Variants in GTF2F1 observed in about 807,000 individuals in gnomAD.
GTF2F1 encodes the protein general transcription factor IIF 74 kDa subunit.
A neutral mutation model predicts 63.5 loss-of-function variants in GTF2F1; 39 were observed. The observed-to-expected ratio is 0.61, with a 90% CI of 0.48 to 0.80. The LOEUF is 0.80. Ranked by LOEUF, GTF2F1 falls within the 30% of genes least tolerant of loss-of-function variation. GTF2F1 has a pLI of 0.00. For missense variants in GTF2F1, 657 were observed against 718.3 expected, an observed-to-expected ratio of 0.91 and a Z score of 0.97; for synonymous variants, 287 against 285.3, an observed-to-expected ratio of 1.01 and a Z score of -0.06.
chr19:6,389,501 T>G lies in GTF2F1; in HGVS notation c.269A>C (p.Glu90Ala), dbSNP rs201786699. Residue 90 changes from glutamate to alanine, a missense_variant, in exon 4 of 13, where the codon GAG (glutamate) becomes GCG (alanine). Transcript: ENST00000394456. Reference sequence around the variant, plus strand: ...CCAGGGCTGGTCCTCGGGCCGGAACTCCTTGAGGACGATGCCGTACTTCTT... The same window carrying G: ...CCAGGGCTGGTCCTCGGGCCGGAACGCCTTGAGGACGATGCCGTACTTCTT... ...RRKKYGIVLK[E>A]FRPEDQPWLL... 266 of 1,614,090 alleles carry G rather than the reference T, an allele frequency of 1.6e-4. No homozygotes were observed. The highest frequency in any genetic ancestry group is 2.0e-4 in the Non-Finnish European group (237 of 1,180,024).
intron 3 of GTF2F1, among the ~76,000 whole-genome samples, chr19:6,391,439 G>GTTTTTTTTTTTTTTTTTTTTTTTT (rs11340944): frequency 2.3e-5 from 2 of 87,418 alleles, no homozygotes; most frequent in African/African-American, 6.6e-5. Context: ...TGCCATTTCC[G>GTTTTTTTTTTTTTTTTTTTTTTTT]TTTTTTTTTT....
chr19:6,384,444 G>A (rs889859025), intron 5 of GTF2F1, among the ~76,000 whole-genome samples: 4 of 151,548 alleles, frequency 2.6e-5, no homozygotes, highest in African/African-American at 9.7e-5. Flanking sequence ...GGAGGCAGAG[G>A]TTGCAGTAAG....
Position 6,380,181 on chromosome 19 carries a change from A to AGGGCAGAGCCATGTATT in GTF2F1, c.*83_*99dup. 2.0e-6 allele frequency: 2 copies of AGGGCAGAGCCATGTATT among 1,008,126 alleles called. No homozygotes were observed. The highest frequency in any genetic ancestry group is 3.2e-6 in the Non-Finnish European group (2 of 632,520). 62.4% of individuals were successfully genotyped at this position (1,008,126 alleles called of 1,614,324 possible). ...GGTCACTGAGAGCCTGAAGTTCTGG[A>AGGGCAGAGCCATGTATT]GGGCAGAGCCATGTATTGGACAGAG... is the stretch of plus-strand genomic sequence containing the variant. On this transcript the variant is annotated 3_prime_UTR_variant, in exon 13 of 13. Coordinates refer to ENST00000394456, the MANE Select transcript of GTF2F1 (RefSeq NM_002096.3). This position sits in a 1 kb window ranked among gnomAD's most constrained non-coding sequence, Gnocchi z 5.3.
rs944638809 is a variant in GTF2F1, at chr19:6,380,212, C to T, written c.*69G>A. The T allele has an allele frequency of 3.8e-6, 5 of 1,312,566 alleles. No individual in the cohort carries two copies. The highest frequency in any genetic ancestry group is 5.5e-6 in the Non-Finnish European group (5 of 905,002). The allele number at this position is 1,312,566 out of a possible 1,614,324, so 81.3% of individuals were successfully genotyped here. A position where few individuals can be genotyped will look rare whatever the true frequency, so the allele number is the denominator to read the frequency against. On this transcript the variant is annotated 3_prime_UTR_variant, in exon 13 of 13. Coordinates refer to ENST00000394456, the MANE Select transcript of GTF2F1 (RefSeq NM_002096.3). This position sits in a 1 kb window ranked among gnomAD's most constrained non-coding sequence, Gnocchi z 5.3. ...GAGCCATGTATTGGACAGAGCCTCA[C>T]TCTAGGATGGCGAAGGGGCAGTGAG...
chr19:6,381,518 GC>G lies in GTF2F1; in HGVS notation c.898+35del. 2 of 1,609,910 alleles carry G rather than the reference GC, an allele frequency of 1.2e-6. No individual in the cohort carries two copies. Among genetic ancestry groups the G allele is most frequent in the East Asian group, 2.2e-5 (1 of 44,882 alleles). On this transcript the variant is annotated intron_variant, in intron 8 of 12. Transcript: ENST00000394456. The surrounding 1 kb of genome is among the most constrained non-coding windows in gnomAD (Gnocchi z 4.1). ...GTATGAGCAAGAGCAGGGAAGCACC[GC>G]CCCCATCTCCCCGGCCCGCCCAGCC...
At position 6,380,602 on chromosome 19, in the gene GTF2F1, T is replaced by C. The variant is rs1247595161; in HGVS notation, c.1320A>G (p.Pro440=). The C allele has an allele frequency of 1.9e-6, 3 of 1,614,006 alleles. No homozygotes were observed. Among genetic ancestry groups the C allele is most frequent in the East Asian group, 2.2e-5 (1 of 44,868 alleles). ...QSLSGKSTPQ[P]PSGKTTPNSG... is the part of the protein sequence containing the mutation. ...TGTTGGGTGTTGTCTTGCCTGATGGTGGCTGGGGTGTCGACTTCCCAGACA... is the reference window on the plus strand; with the variant it reads ...TGTTGGGTGTTGTCTTGCCTGATGGCGGCTGGGGTGTCGACTTCCCAGACA... Residue 440 remains proline (P), a synonymous_variant, in exon 12 of 13, where the codon CCA becomes CCG. Coordinates refer to ENST00000394456, the MANE Select transcript of GTF2F1 (RefSeq NM_002096.3). This position sits in a 1 kb window ranked among gnomAD's most constrained non-coding sequence, Gnocchi z 5.3.
In GTF2F1 at chr19:6,391,959, T is replaced by A. The variant is rs1355313993; in HGVS notation, c.75A>T (p.Lys25Asn). The change falls in exon 3 of 13, where the codon AAA (lysine) becomes AAT (asparagine). Residue 25 changes from lysine (K) to asparagine (N), a missense_variant. Lys to Asn is a moderately conservative substitution (Grantham distance 94, BLOSUM62 0). This residue lies in a region of GTF2F1 where 602 missense variants were observed against 625.6 expected (regional missense o/e 0.96). Coordinates refer to ENST00000394456, the MANE Select transcript of GTF2F1 (RefSeq NM_002096.3). ...VVRVPKNTTK[K>N]YNIMAFNAAD... ...CTGCATTAAAAGCCATGATGTTATATTTTTTGGTTGTATTCCTGGAGTGGA... is the reference window on the plus strand; with the variant it reads ...CTGCATTAAAAGCCATGATGTTATAATTTTTGGTTGTATTCCTGGAGTGGA... The A allele has an allele frequency of 1.1e-5, 18 of 1,569,586 alleles. No homozygotes were observed. The highest frequency in any genetic ancestry group is 1.6e-5 in the Non-Finnish European group (18 of 1,152,870).
rs1207096641 is a variant in GTF2F1 at position 6,381,759 on chromosome 19, G to A, written c.774C>T (p.Phe258=). The part of the protein sequence containing the change: ...KKKKGSDDEA[F]EDSDDGDFEG... ...CGAAGTCCCCATCATCGCTGTCCTC[G>A]AAGGCCTCGTCGTCTGAACCCTTCT... Residue 258 remains phenylalanine (F), a synonymous_variant, in exon 7 of 13, where the codon TTC becomes TTT. Transcript: ENST00000394456. This position sits in a 1 kb window ranked among gnomAD's most constrained non-coding sequence, Gnocchi z 4.1. 10 of 1,613,992 alleles carry A rather than the reference G, an allele frequency of 6.2e-6. No homozygotes were observed. The highest frequency in any genetic ancestry group is 4.0e-5 in the African/African-American group (3 of 74,906).
chr19:6,392,463 C>T, intron 2 of GTF2F1: 1 of 512,320 alleles, frequency 2.0e-6, no homozygotes, highest in Admixed American at 2.3e-5. Flanking sequence ...AAGAATTCAC[C>T]CAGCAGAGTC....
chr19:6,390,608 T>C (rs1288714460), intron 3 of GTF2F1, among the ~76,000 whole-genome samples: 1 of 148,728 alleles, frequency 6.7e-6, no homozygotes, highest in Non-Finnish European at 1.5e-5. Context: ...CCTATATCTA[T>C]TTCCTAAAAA....
intron 6 of GTF2F1, among the ~76,000 whole-genome samples, chr19:6,382,749 G>C (rs1320963017): frequency 6.9e-6 from 1 of 145,518 alleles, no homozygotes; most frequent in African/African-American, 2.5e-5. Flanking sequence ...AGTAAGCTGT[G>C]ATTGTACCAC....
intron 6 of GTF2F1, among the ~76,000 whole-genome samples, chr19:6,382,598 T>C (rs1341913916): frequency 7.4e-6 from 1 of 135,642 alleles, no homozygotes; most frequent in African/African-American, 2.9e-5. Context: ...GCCATTGCAC[T>C]CCAGCCTGGG....
intron 2 of GTF2F1, chr19:6,392,533 G>T: frequency 1.8e-6 from 1 of 558,982 alleles, no homozygotes; most frequent in Non-Finnish European, 3.3e-6. Flanking sequence ...CAAAGGCCTG[G>T]AAAGGAAAGA....
rs200767408 is a variant in GTF2F1 at position 6,381,628 on chromosome 19, G to A, written c.837-13C>T. 4 of 1,613,888 alleles carry A rather than the reference G, an allele frequency of 2.5e-6. No homozygotes were observed. The highest frequency in any genetic ancestry group is 3.4e-6 in the Non-Finnish European group (4 of 1,180,044). ...TTCTTGGGAGCTACTGTAAGACGGG[G>A]ATGGCAAAGGATGAGCGCGCGCTCG... On this transcript the variant is annotated splice_polypyrimidine_tract_variant and intron_variant, in intron 7 of 12. Coordinates refer to ENST00000394456, the MANE Select transcript of GTF2F1 (RefSeq NM_002096.3). The surrounding 1 kb of genome is among the most constrained non-coding windows in gnomAD (Gnocchi z 4.1).
chr19:6,389,070 T>G (rs1412799351), intron 4 of GTF2F1, among the ~76,000 whole-genome samples: 1 of 151,992 alleles, frequency 6.6e-6, no homozygotes, highest in Non-Finnish European at 1.5e-5. Context: ...CTGTCTCTAC[T>G]AAAAATACAA....
rs776823567 is a variant in GTF2F1 at position 6,392,901 on chromosome 19, G to A, written c.15C>T (p.Gly5=). Reference sequence around the variant, plus strand: ...ATTCAGTGACATTCTGGCTGCTAGGGCCCTGCGGAAAGAGGAAGCGGTGAG... The same window carrying A: ...ATTCAGTGACATTCTGGCTGCTAGGACCCTGCGGAAAGAGGAAGCGGTGAG... MAAL[G]PSSQNVTEYV... is the part of the protein sequence containing the mutation. Residue 5 remains glycine, a splice_region_variant and synonymous_variant, in exon 2 of 13, where the codon GGC becomes GGT. Transcript: ENST00000394456. 7 of 1,614,156 alleles carry A rather than the reference G, an allele frequency of 4.3e-6. No homozygotes were observed. The South Asian group carries it at 4.4e-5, about 10-fold the overall frequency.
Position 6,380,957 on chromosome 19 carries a change from T to A in GTF2F1, c.1178A>T (p.Glu393Val). 6.3e-7 allele frequency: 1 copy of A among 1,596,370 alleles called. No homozygotes were observed. Among genetic ancestry groups the A allele is most frequent in the Non-Finnish European group, 8.5e-7 (1 of 1,171,638 alleles). Reference sequence around the variant, plus strand: ...CAGGGTGGAGGAGGTGCTGCCACCCTCTGCGCTGGGCGTGCCTGGGCGGCT... The same window carrying A: ...CAGGGTGGAGGAGGTGCTGCCACCCACTGCGCTGGGCGTGCCTGGGCGGCT... ...GNSRPGTPSAEGGSTSSTLRA... is the reference protein window; with the variant it reads ...GNSRPGTPSAVGGSTSSTLRA... The change falls in exon 11 of 13, where the codon GAG (glutamate) becomes GTG (valine). Residue 393 changes from glutamate to valine, a missense_variant. Transcript: ENST00000394456. The surrounding 1 kb of genome is among the most constrained non-coding windows in gnomAD (Gnocchi z 5.3).
chr19:6,384,508 C>CAAAAA, intron 5 of GTF2F1, among the ~76,000 whole-genome samples: 1 of 135,572 alleles, frequency 7.4e-6, no homozygotes, highest in East Asian at 2.1e-4. Flanking sequence ...AATCTGTCTC[C>CAAAAA]AAAAAAAAAA....
chr19:6,390,036 C>T (rs62106656), intron 3 of GTF2F1, among the ~76,000 whole-genome samples: 24,795 of 152,136 alleles, frequency 0.16, 3,326 homozygotes, highest in East Asian at 0.39. Context: ...AGAATTTCCA[C>T]ACATCTCTCC....
Sources: gnomAD v4.1 joint callset for allele counts (sites outside exome capture counted in the v4.1 genomes callset) on GRCh38, gnomAD v4.1.1 for gene constraint, gnomAD v4.1.1 regional missense constraint, Gnocchi (gnomAD v3.1) non-coding constraint, MANE v1.5 for transcripts, NCBI Gene and HGNC (gene_info 2026-07-23, HGNC 2026-07-21) for gene names.